The following ADA variants were observed in gnomAD, a reference collection of about 807,000 sequenced individuals.
ADA encodes adenosine deaminase, also known as adenosine aminohydrolase.
A neutral mutation model predicts 49.0 loss-of-function variants in ADA; 45 were observed. The observed-to-expected ratio is 0.92, with a 90% CI of 0.72 to 1.18. ADA has a LOEUF of 1.18. Ranked by LOEUF, ADA falls within the 50% of genes most tolerant of loss-of-function variation. The probability of loss-of-function intolerance (pLI) is 0.00; values close to 1 mark genes in which losing one functional copy is unlikely to be tolerated. For missense variants in ADA, 445 were observed against 472.5 expected (o/e 0.94, Z 0.54); for synonymous variants, 173 against 184.2 (o/e 0.94, Z 0.49).
chr20:44,643,139 C>T (rs1373927546), intron 1 of ADA, among the ~76,000 whole-genome samples: 1 of 152,174 alleles, frequency 6.6e-6, no homozygotes, highest in Non-Finnish European at 1.5e-5. Context: ...GGTGGCGACC[C>T]CGCTCTCCTG....
Position 44,623,166 on chromosome 20 carries a change from C to T in ADA, c.607-88G>A, listed in dbSNP as rs528952340. On this transcript the variant is annotated intron_variant, in intron 6 of 11. Coordinates refer to ENST00000372874, the MANE Select transcript of ADA (RefSeq NM_000022.4). ...GACCATGCTGTGGAGATTGAACCATCCTAGTCATGCTGCCTGCTTCAACAG... is the reference window on the plus strand; with the variant it reads ...GACCATGCTGTGGAGATTGAACCATTCTAGTCATGCTGCCTGCTTCAACAG... 2.5e-6 allele frequency: 4 copies of T among 1,582,846 alleles called. No homozygotes were observed. In the South Asian group the frequency reaches 4.5e-5, roughly 18 times the overall value.
Position 44,636,423 on chromosome 20 carries a change from G to A in ADA, c.34-135C>T. 5.3e-6 allele frequency: 4 copies of A among 755,976 alleles called. No individual in the cohort carries two copies. In the South Asian group the frequency reaches 6.2e-5, roughly 12 times the overall value. The allele number at this position is 755,976 out of a possible 1,614,324, so 46.8% of individuals were successfully genotyped here. On this transcript the variant is annotated intron_variant, in intron 1 of 11. Coordinates refer to ENST00000372874, the MANE Select transcript of ADA (RefSeq NM_000022.4). ...TTAGCCACCATTTTACTGGCTGGCT[G>A]CTGACCCCATATACTTCGGTAAACT...
chr20:44,619,633 T>TGCCCATGTGCAAGGG lies in ADA; in HGVS notation c.*200_*201insCCCTTGCACATGGGC. 3.1e-6 allele frequency: 2 copies of TGCCCATGTGCAAGGG among 655,464 alleles called. No individual in the cohort carries two copies. The highest frequency in any genetic ancestry group is 5.3e-6 in the Non-Finnish European group (2 of 375,086). 40.6% of individuals were successfully genotyped at this position (655,464 alleles called of 1,614,324 possible). ...GCCCATGTGCAAGGGCGCTGGTCCC[T>TGCCCATGTGCAAGGG]GGCCAGGGCACATAATCAGAGAAGT... On this transcript the variant is annotated 3_prime_UTR_variant, in exon 12 of 12. Transcript: ENST00000372874.
chr20:44,625,792 T>C (rs1221785541), intron 4 of ADA, 108 bp from the exon 5 acceptor site: 13 of 895,582 alleles, frequency 1.5e-5, no homozygotes, highest in Non-Finnish European at 2.0e-5. Flanking sequence ...AGGACCCTCC[T>C]CCCCCACTGA....
intron 3 of ADA, among the ~76,000 whole-genome samples, chr20:44,628,621 A>T (rs1158335205): frequency 2.0e-5 from 3 of 152,120 alleles, no homozygotes; most frequent in African/African-American, 7.2e-5. Context: ...CCTTTTCGGT[A>T]CCTAGTGCTG....
Position 44,651,612 on chromosome 20 carries a change from C to A in ADA, c.-5G>T, listed in dbSNP as rs1484350558. On this transcript the variant is annotated 5_prime_UTR_variant, in exon 1 of 12. Coordinates refer to ENST00000372874, the MANE Select transcript of ADA (RefSeq NM_000022.4). ...GAAGGCGGGCGTCTGGGCCATGGTG[C>A]CCTCGTGCGCCCCGGCGCTGCTCCC... 2.0e-6 allele frequency: 3 copies of A among 1,532,924 alleles called. No homozygotes were observed. The highest frequency in any genetic ancestry group is 1.4e-5 in the African/African-American group (1 of 71,614). 95.0% of individuals were successfully genotyped at this position (1,532,924 alleles called of 1,614,324 possible).
At position 44,622,570 on chromosome 20, in the gene ADA, C is replaced by T; in HGVS notation, c.845+18G>A. The T allele has an allele frequency of 1.2e-6, 2 of 1,614,206 alleles. No homozygotes were observed. The highest frequency in any genetic ancestry group is 1.6e-4 in the Middle Eastern group (1 of 6,062). On this transcript the variant is annotated intron_variant, in intron 9 of 11. Transcript: ENST00000372874. ...TTCCTGGAACAAAATTGAACAGGCCCAGGGGAACAGAGCTCACCGAATGAC... is the reference window on the plus strand; with the variant it reads ...TTCCTGGAACAAAATTGAACAGGCCTAGGGGAACAGAGCTCACCGAATGAC...
chr20:44,624,627 T>G lies in ADA; in HGVS notation c.479-298A>C, dbSNP rs151089418. On this transcript the variant is annotated intron_variant, in intron 5 of 11. Transcript: ENST00000372874. ...AAGGACGGGGCCTGAGCTCAGTAAA[T>G]GACACGGACCCTTCTCTCACCTGGT... is the stretch of plus-strand genomic sequence containing the variant. Among the ~76,000 whole-genome samples the G allele has an allele frequency of 5.5e-3, 836 of 152,314 alleles. 3 individuals are homozygous for G. Among genetic ancestry groups the G allele is most frequent in the African/African-American group, 0.019 (778 of 41,558 alleles).
At chr20:44,650,123 T>C (rs1004744340) in intron 1 of ADA, among the ~76,000 whole-genome samples, 5 of 152,186 alleles carry the variant, frequency 3.3e-5, no homozygotes, top group Non-Finnish European at 1.5e-5. Flanking sequence ...GAGCATTTAA[T>C]AAAAAGACTG....
chr20:44,649,729 C>A (rs893977933), intron 1 of ADA, among the ~76,000 whole-genome samples: 5 of 124,436 alleles, frequency 4.0e-5, no homozygotes, highest in Non-Finnish European at 7.9e-5. Flanking sequence ...AATCAAGGAG[C>A]CTTTTTTTTT....
chr20:44,647,728 C>T (rs140893297), intron 1 of ADA, among the ~76,000 whole-genome samples: 3,694 of 152,102 alleles, frequency 0.024, 66 homozygotes, highest in Middle Eastern at 0.068. Flanking sequence ...GACCAGCTGG[C>T]TAACGTGGTG....
chr20:44,619,998 A>G, intron 11 of ADA, 151 bp from the exon 12 acceptor site: 1 of 1,132,434 alleles, frequency 8.8e-7, no homozygotes, highest in South Asian at 1.3e-5. Flanking sequence ...AAAGGAGCAG[A>G]ACAGGCCTGG....
intron 2 of ADA, among the ~76,000 whole-genome samples, chr20:44,629,794 C>T (rs2065417012): frequency 6.6e-6 from 1 of 152,328 alleles, no homozygotes; most frequent in East Asian, 1.9e-4. Context: ...AGCTGGACTA[C>T]AGCAGCGCTC....
intron 1 of ADA, among the ~76,000 whole-genome samples, chr20:44,645,137 C>T (rs1207258123): frequency 6.6e-6 from 1 of 152,072 alleles, no homozygotes; most frequent in East Asian, 1.9e-4. Context: ...AATCCCAGCA[C>T]TTTGGGAGGC....
At chr20:44,625,813 C>T (rs966885672) in intron 4 of ADA, 129 bp from the exon 5 acceptor site, 16 of 749,644 alleles carry the variant, frequency 2.1e-5, no homozygotes, top group Non-Finnish European at 3.4e-5. Flanking sequence ...CCCACTGCCT[C>T]AGAGGAAAGA....
chr20:44,627,378 T>G (rs1241748215), intron 3 of ADA, among the ~76,000 whole-genome samples: 1 of 152,120 alleles, frequency 6.6e-6, no homozygotes, highest in African/African-American at 2.4e-5. Flanking sequence ...AGACAGCGTT[T>G]CGCTGTGTTA....
chr20:44,637,850 C>A (rs2065494632), intron 1 of ADA, among the ~76,000 whole-genome samples: 1 of 152,190 alleles, frequency 6.6e-6, no homozygotes, highest in African/African-American at 2.4e-5. Context: ...TTGTTGAATT[C>A]CCTGACAAAA....
At chr20:44,622,805 C>T in intron 8 of ADA, 24 bp downstream of exon 8, 1 of 1,614,192 alleles carries the variant, frequency 6.2e-7, no homozygotes, top group Non-Finnish European at 8.5e-7. Context: ...GGGATGGTTC[C>T]TCCCCACTCC....
chr20:44,634,763 G>A (rs2145335482), intron 2 of ADA, among the ~76,000 whole-genome samples: 1 of 152,372 alleles, frequency 6.6e-6, no homozygotes, highest in East Asian at 1.9e-4. Context: ...CAGGGAGTTG[G>A]TGGAGATGCT....
Sources: gnomAD v4.1 joint callset for allele counts (sites outside exome capture counted in the v4.1 genomes callset) on GRCh38, gnomAD v4.1.1 for gene constraint, MANE v1.5 for transcripts, NCBI Gene and HGNC (gene_info 2026-07-23, HGNC 2026-07-21) for gene names.